The following CD247 variants were observed in gnomAD, a reference collection of about 807,000 sequenced individuals.
The protein encoded by CD247 is T-cell surface glycoprotein CD3 zeta chain.
A neutral mutation model predicts 30.0 loss-of-function variants in CD247; 13 were observed. That is an observed-to-expected ratio of 0.43 (90% CI 0.28 to 0.69). The LOEUF is 0.69. Ranked by LOEUF, CD247 falls within the 30% of genes least tolerant of loss-of-function variation. CD247 has a pLI of 0.16. For synonymous variants in CD247, 72 were observed against 80.0 expected, an observed-to-expected ratio of 0.90 and a Z score of 0.53; for missense variants, 193 against 212.6, an observed-to-expected ratio of 0.91 and a Z score of 0.57.
chr1:167,450,139 A>C (rs1652285832), intron 1 of CD247, among the ~76,000 whole-genome samples: 1 of 152,152 alleles, frequency 6.6e-6, no homozygotes, highest in South Asian at 2.1e-4. Context: ...CATTATAAAT[A>C]ATTCTAAGAT....
At chr1:167,493,715 A>G (rs577002466) in intron 1 of CD247, among the ~76,000 whole-genome samples, 1 of 152,216 alleles carries the variant, frequency 6.6e-6, no homozygotes, top group Non-Finnish European at 1.5e-5. Flanking sequence ...CATAATGTAC[A>G]GAAGAAAACA....
intron 7 of CD247, 64 bp from the exon 8 acceptor site, chr1:167,431,810 C>T (rs1380440922): frequency 1.4e-6 from 2 of 1,396,556 alleles, no homozygotes; most frequent in Non-Finnish European, 2.0e-6. Flanking sequence ...AGGAGCCAAC[C>T]CAGAGGCCAA....
chr1:167,461,335 T>C (rs1259241614), intron 1 of CD247, among the ~76,000 whole-genome samples: 3 of 152,250 alleles, frequency 2.0e-5, no homozygotes, highest in Admixed American at 6.5e-5. Context: ...TCGGCAGCAC[T>C]CTAGAGCTAT....
intron 2 of CD247, chr1:167,439,709 G>C: frequency 2.3e-6 from 1 of 431,380 alleles, no homozygotes. Flanking sequence ...TTCTTGGTCT[G>C]CGCCCCCGGG....
chr1:167,506,892 A>ATTTTTTTTTT (rs10587631), intron 1 of CD247, among the ~76,000 whole-genome samples: 1 of 97,984 alleles, frequency 1.0e-5, no homozygotes, highest in African/African-American at 4.2e-5. Context: ...GTTCCCTCTG[A>ATTTTTTTTTT]TTTTTTTTTT....
chr1:167,492,844 A>C (rs1654511425), intron 1 of CD247, among the ~76,000 whole-genome samples: 1 of 152,068 alleles, frequency 6.6e-6, no homozygotes, highest in Admixed American at 6.5e-5. Context: ...ACAGTTATAA[A>C]AGGCATCATT....
intron 1 of CD247, among the ~76,000 whole-genome samples, chr1:167,471,152 T>C (rs1382711122): frequency 1.3e-5 from 2 of 152,198 alleles, no homozygotes; most frequent in Non-Finnish European, 1.5e-5. Context: ...ATTATAGGTA[T>C]GAGCCACTGC....
At chr1:167,438,018 CAGAGGA>C (rs1651627756) in intron 4 of CD247, among the ~76,000 whole-genome samples, 1 of 139,860 alleles carries the variant, frequency 7.2e-6, no homozygotes, top group African/African-American at 3.1e-5. Flanking sequence ...TAAATAAAGA[CAGAGGA>C]AGGAAGGAAG....
intron 1 of CD247, among the ~76,000 whole-genome samples, chr1:167,507,674 A>G (rs1481926605): frequency 1.3e-5 from 2 of 152,208 alleles, no homozygotes; most frequent in Admixed American, 1.3e-4. Context: ...TGTATCTACA[A>G]AAAAAGAAAA....
Position 167,467,960 on chromosome 1 carries a change from G to A in CD247, c.59-27193C>T, listed in dbSNP as rs16859075. ...TAATTGACTTTTAAATCATTTAGGC[G>A]CAAAAGCAAATAATAATAGCTTCAG... On this transcript the variant is annotated intron_variant, in intron 1 of 7. Coordinates refer to ENST00000362089, the MANE Select transcript of CD247 (RefSeq NM_198053.3). Among the ~76,000 whole-genome samples the A allele has an allele frequency of 1.9e-3, 294 of 152,144 alleles. 1 individual carries two copies. The highest frequency in any genetic ancestry group is 6.7e-3 in the African/African-American group (276 of 41,474).
chr1:167,508,999 C>A (rs1029733099), intron 1 of CD247, among the ~76,000 whole-genome samples: 1 of 152,134 alleles, frequency 6.6e-6, no homozygotes, highest in African/African-American at 2.4e-5. Flanking sequence ...ATTTGGGGCA[C>A]ATGAGAGGTG....
intron 1 of CD247, among the ~76,000 whole-genome samples, chr1:167,508,560 G>T (rs1655248392): frequency 6.6e-6 from 1 of 152,146 alleles, no homozygotes; most frequent in Admixed American, 6.5e-5. Flanking sequence ...AAAGAAAACG[G>T]ACAAGATTCA....
chr1:167,475,268 C>A (rs770622810), intron 1 of CD247, among the ~76,000 whole-genome samples: 1 of 152,138 alleles, frequency 6.6e-6, no homozygotes, highest in Non-Finnish European at 1.5e-5. Context: ...ACAACATCAA[C>A]GATGATCAGC....
intron 2 of CD247, chr1:167,439,661 C>T: frequency 1.8e-6 from 1 of 548,732 alleles, no homozygotes; most frequent in South Asian, 2.1e-5. Context: ...TTTATTCTTC[C>T]CGGGCTAGCG....
At position 167,450,957 on chromosome 1, in the gene CD247, T is replaced by C. The variant is rs34757941; in HGVS notation, c.59-10190A>G. 8.8e-3 allele frequency among the ~76,000 whole-genome samples: 1,330 copies of C among 150,870 alleles called. 9 individuals carry two copies. Among genetic ancestry groups the C allele is most frequent in the South Asian group, 0.016 (78 of 4,730 alleles). ...AGAAAAGAAAAGACAGTCTCAGTGC[T>C]AGCCAAGGAAATGAAAGTATGAAGT... is the stretch of plus-strand genomic sequence containing the variant. On this transcript the variant is annotated intron_variant, in intron 1 of 7. Transcript: ENST00000362089.
intron 1 of CD247, among the ~76,000 whole-genome samples, chr1:167,445,804 C>A (rs1382588166): frequency 6.6e-6 from 1 of 152,186 alleles, no homozygotes; most frequent in Non-Finnish European, 1.5e-5. Context: ...GTGCCCTTTC[C>A]CCTGCAGTCA....
intron 1 of CD247, among the ~76,000 whole-genome samples, chr1:167,501,538 AG>A (rs749600135): frequency 6.6e-6 from 1 of 152,248 alleles, no homozygotes; most frequent in Non-Finnish European, 1.5e-5. Context: ...CTTGCAATTC[AG>A]GGCTGAACCC....
At chr1:167,517,504 T>G (rs368603469) in intron 1 of CD247, among the ~76,000 whole-genome samples, 8 of 152,332 alleles carry the variant, frequency 5.3e-5, no homozygotes, top group African/African-American at 1.9e-4. Flanking sequence ...CCTCATTACC[T>G]GGGCTAGAAA....
At chr1:167,478,172 T>C (rs1653828299) in intron 1 of CD247, among the ~76,000 whole-genome samples, 1 of 152,234 alleles carries the variant, frequency 6.6e-6, no homozygotes, top group African/African-American at 2.4e-5. Flanking sequence ...AGCTGCTATA[T>C]GGAAAAGCCA....
Sources: gnomAD v4.1 joint callset for allele counts (sites outside exome capture counted in the v4.1 genomes callset) on GRCh38, gnomAD v4.1.1 for gene constraint, MANE v1.5 for transcripts, NCBI Gene and HGNC (gene_info 2026-07-23, HGNC 2026-07-21) for gene names.